Variants in GALNT17 observed in about 807,000 individuals in gnomAD.
GALNT17 encodes the protein UDP-GalNAc:polypeptide N-acetylgalactosaminyltransferase-like 3.
A neutral mutation model predicts 63.7 loss-of-function variants in GALNT17; 29 were observed. The ratio of observed to expected loss-of-function variants is 0.46; its 90% CI spans 0.34 to 0.62. The LOEUF is 0.62. Among genes scored for constraint, GALNT17 ranks in the 20% least tolerant of loss-of-function variants. GALNT17 has a pLI of 0.01. For synonymous variants in GALNT17, 305 were observed against 318.3 expected (o/e 0.96, Z 0.45); for missense variants, 603 against 799.6 (o/e 0.75, Z 2.97).
At chr7:71,267,071 G>T (rs1188055141) in intron 1 of GALNT17, among the ~76,000 whole-genome samples, 1 of 152,188 alleles carries the variant, frequency 6.6e-6, no homozygotes, top group Non-Finnish European at 1.5e-5. Flanking sequence ...ACATGCAAAA[G>T]CCCATCCCCG....
chr7:71,373,215 C>T (rs1486819196), intron 2 of GALNT17, among the ~76,000 whole-genome samples: 1 of 152,148 alleles, frequency 6.6e-6, no homozygotes, highest in Non-Finnish European at 1.5e-5. Context: ...AAGATGGCCA[C>T]GTTCTTACCA....
At chr7:71,278,116 C>T (rs570842123) in intron 1 of GALNT17, among the ~76,000 whole-genome samples, 1 of 152,272 alleles carries the variant, frequency 6.6e-6, no homozygotes, top group East Asian at 1.9e-4. Flanking sequence ...AATAATGATA[C>T]TAAGAAAAGA....
chr7:71,425,086 C>T (rs1375357289), intron 5 of GALNT17, among the ~76,000 whole-genome samples: 1 of 152,052 alleles, frequency 6.6e-6, no homozygotes, highest in African/African-American at 2.4e-5. Context: ...TCCAGTATAG[C>T]AAGTGGGCAA....
rs534852721 is a variant in GALNT17, at chr7:71,596,579, T to G, written c.1080+25177T>G. Among the ~76,000 whole-genome samples, 164 of 152,072 alleles carry G rather than the reference T, an allele frequency of 1.1e-3. 1 individual carries two copies. In the Middle Eastern group the frequency reaches 0.014, roughly 13 times the overall value. On this transcript the variant is annotated intron_variant, in intron 6 of 10. Transcript: ENST00000333538. ...GGAGTGTGGAGATGTTTCTTCAGTT[T>G]GAGTTTGCAACCCTGAAGATGAGCA...
intron 6 of GALNT17, among the ~76,000 whole-genome samples, chr7:71,664,840 T>C (rs1341431072): frequency 1.3e-5 from 2 of 152,206 alleles, no homozygotes; most frequent in Admixed American, 6.5e-5. Flanking sequence ...CTTTCTTACC[T>C]AGAGGTGGAT....
chr7:71,549,153 A>G (rs1789034164), intron 5 of GALNT17, among the ~76,000 whole-genome samples: 1 of 152,186 alleles, frequency 6.6e-6, no homozygotes, highest in African/African-American at 2.4e-5. Flanking sequence ...ACTCGAGCAG[A>G]GTCGCCAGTC....
intron 5 of GALNT17, among the ~76,000 whole-genome samples, chr7:71,435,874 G>A (rs1265376174): frequency 1.3e-5 from 2 of 151,966 alleles, no homozygotes; most frequent in Admixed American, 6.6e-5. Flanking sequence ...AAAATAATTA[G>A]CAGGGCGTGG....
intron 1 of GALNT17, among the ~76,000 whole-genome samples, chr7:71,136,211 C>T (rs1787781770): frequency 6.6e-6 from 1 of 152,126 alleles, no homozygotes; most frequent in South Asian, 2.1e-4. Context: ...CTCCTAGTGC[C>T]TGGGGAGACA....
chr7:71,314,675 A>G (rs1791470880), intron 1 of GALNT17, among the ~76,000 whole-genome samples: 1 of 152,198 alleles, frequency 6.6e-6, no homozygotes, highest in Non-Finnish European at 1.5e-5. Flanking sequence ...CCACAGGAGA[A>G]GGATCACTTG....
At chr7:71,334,529 A>G (rs911701047) in intron 1 of GALNT17, among the ~76,000 whole-genome samples, 15 of 152,188 alleles carry the variant, frequency 9.9e-5, no homozygotes, top group African/African-American at 3.1e-4. Flanking sequence ...GCAGAAGGCA[A>G]TGAGAACCCT....
In GALNT17 at chr7:71,324,282, C is replaced by A. The variant is rs114493461; in HGVS notation, c.239-11268C>A. 4.5e-3 allele frequency among the ~76,000 whole-genome samples: 681 copies of A among 152,088 alleles called. 4 individuals carry two copies. The highest frequency in any genetic ancestry group is 0.016 in the African/African-American group (655 of 41,472). ...AGTTGCCTGCAATAACTCAAGTAAGCGGTGGCTTGAGCTTGCATCTGGGTG... is the reference window on the plus strand; with the variant it reads ...AGTTGCCTGCAATAACTCAAGTAAGAGGTGGCTTGAGCTTGCATCTGGGTG... On this transcript the variant is annotated intron_variant, in intron 1 of 10. Coordinates refer to ENST00000333538, the MANE Select transcript of GALNT17 (RefSeq NM_022479.3).
chr7:71,461,850 C>T (rs1011032500), intron 5 of GALNT17, among the ~76,000 whole-genome samples: 5 of 152,196 alleles, frequency 3.3e-5, no homozygotes, highest in African/African-American at 7.2e-5. Flanking sequence ...ACAGATGTCT[C>T]GACAGGTCCG....
At chr7:71,398,831 CATGTT>C in intron 3 of GALNT17, among the ~76,000 whole-genome samples, 1 of 152,330 alleles carries the variant, frequency 6.6e-6, no homozygotes, top group Non-Finnish European at 1.5e-5. Context: ...TAGTAAATTT[CATGTT>C]ATGTCCATTT....
chr7:71,238,861 A>G (rs1296357001), intron 1 of GALNT17, among the ~76,000 whole-genome samples: 1 of 152,186 alleles, frequency 6.6e-6, no homozygotes, highest in Non-Finnish European at 1.5e-5. Context: ...ATTAGGTTAT[A>G]ATAAGACTGT....
rs530918316 is a variant in GALNT17, at chr7:71,445,881, C to T, written c.962+24776C>T. Among the ~76,000 whole-genome samples, 18 of 152,212 alleles carry T rather than the reference C, an allele frequency of 1.2e-4. No individual in the cohort carries two copies. The South Asian group carries it at 3.5e-3, about 30-fold the overall frequency. On this transcript the variant is annotated intron_variant, in intron 5 of 10. Coordinates refer to ENST00000333538, the MANE Select transcript of GALNT17 (RefSeq NM_022479.3). The stretch of plus-strand genomic sequence containing the variant: ...GAGAGAGTCCTAAGTGATCCGCCTA[C>T]CTTGGCCTCCCAAAGTGCTGGTATT...
At chr7:71,368,727 C>T (rs1309369849) in intron 2 of GALNT17, among the ~76,000 whole-genome samples, 7 of 152,046 alleles carry the variant, frequency 4.6e-5, no homozygotes, top group Non-Finnish European at 8.8e-5. Flanking sequence ...ATAATTGATG[C>T]TCAGTGTTTG....
intron 6 of GALNT17, among the ~76,000 whole-genome samples, chr7:71,664,017 T>C (rs1790946603): frequency 6.6e-6 from 1 of 150,480 alleles, no homozygotes; most frequent in Admixed American, 6.6e-5. Flanking sequence ...ATAAATTAAT[T>C]TTTTTTTTTA....
intron 6 of GALNT17, among the ~76,000 whole-genome samples, chr7:71,627,772 C>T (rs762017988): frequency 1.3e-5 from 2 of 152,096 alleles, no homozygotes; most frequent in Admixed American, 6.5e-5. Context: ...TGCAACGCTC[C>T]GACTCAGCTA....
chr7:71,712,865 T>C lies in GALNT17; in HGVS notation c.*719T>C, dbSNP rs1791815908. Reference sequence around the variant, plus strand: ...GTCTAGAGGAAGCCAGAGACAGAAATAGGCTAAGCCTGCAGTAGGATCTCA... The same window carrying C: ...GTCTAGAGGAAGCCAGAGACAGAAACAGGCTAAGCCTGCAGTAGGATCTCA... On this transcript the variant is annotated 3_prime_UTR_variant, in exon 11 of 11. Transcript: ENST00000333538. 1 of 152,570 alleles carries C rather than the reference T, an allele frequency of 6.6e-6. No homozygotes were observed. Among genetic ancestry groups the C allele is most frequent in the Non-Finnish European group, 1.5e-5 (1 of 68,174 alleles). 9.5% of individuals were successfully genotyped at this position (152,570 alleles called of 1,614,324 possible).
Sources: gnomAD v4.1 joint callset for allele counts (sites outside exome capture counted in the v4.1 genomes callset) on GRCh38, gnomAD v4.1.1 for gene constraint, MANE v1.5 for transcripts, NCBI Gene and HGNC (gene_info 2026-07-23, HGNC 2026-07-21) for gene names.